HM13: variants seen among roughly 807,000 people sequenced by gnomAD.
The protein encoded by HM13 is histocompatibility minor 13, also known as signal peptide peptidase.
A neutral mutation model predicts 50.0 loss-of-function variants in HM13; 18 were observed. That is an observed-to-expected ratio of 0.36 (90% CI 0.25 to 0.53). HM13 has a LOEUF of 0.53. HM13 is among the 20% of genes least tolerant of loss of function. The probability of loss-of-function intolerance (pLI) is 0.90; values close to 1 mark genes in which losing one functional copy is unlikely to be tolerated. For synonymous variants in HM13, 197 were observed against 232.6 expected (o/e 0.85, Z 1.39); for missense variants, 393 against 552.4 (o/e 0.71, Z 2.89).
At chr20:31,541,148 G>A (rs1983430756) in intron 3 of HM13, 1 of 152,032 alleles carries the variant, frequency 6.6e-6, no homozygotes, top group Admixed American at 6.6e-5. Context: ...ATGAAATTTA[G>A]AGCAACAAAA....
intron 4 of HM13, among the ~76,000 whole-genome samples, chr20:31,546,294 C>T (rs534898523): frequency 7.2e-5 from 11 of 152,162 alleles, no homozygotes; most frequent in African/African-American, 2.6e-4. Flanking sequence ...GATTCGCCTC[C>T]CAAAGTGCTA....
At chr20:31,559,537 C>T (rs1396470973) in intron 8 of HM13, 74 bp from the exon 9 acceptor site, 8 of 1,465,510 alleles carry the variant, frequency 5.5e-6, no homozygotes, top group Non-Finnish European at 7.7e-6. Flanking sequence ...GGTTGGGGAC[C>T]AGGACCCAGT....
chr20:31,567,749 A>T (rs1474196835), intron 11 of HM13: 4 of 263,858 alleles, frequency 1.5e-5, no homozygotes, highest in African/African-American at 2.2e-5. Flanking sequence ...ATGTGTGTAT[A>T]CTTTTTCTTG....
At chr20:31,566,577 T>G (rs980816404) in intron 11 of HM13, among the ~76,000 whole-genome samples, 19 of 152,096 alleles carry the variant, frequency 1.2e-4, no homozygotes, top group Non-Finnish European at 1.5e-5. Context: ...TGTGGATTTT[T>G]CTCTGCCTAC....
At chr20:31,516,697 G>C (rs987734811) in intron 1 of HM13, among the ~76,000 whole-genome samples, 21 of 152,150 alleles carry the variant, frequency 1.4e-4, no homozygotes, top group African/African-American at 2.9e-4. Flanking sequence ...GGAACAGAGG[G>C]TATGGATAGG....
chr20:31,568,619 T>C (rs889473728), intron 12 of HM13, among the ~76,000 whole-genome samples: 11 of 152,242 alleles, frequency 7.2e-5, no homozygotes, highest in African/African-American at 2.7e-4. Context: ...ATGAACTCAG[T>C]TGCTTGAAAA....
intron 8 of HM13, among the ~76,000 whole-genome samples, chr20:31,555,604 G>A (rs574933018): frequency 6.6e-6 from 1 of 152,262 alleles, no homozygotes; most frequent in Admixed American, 6.5e-5. Flanking sequence ...GGGCCCAGTT[G>A]TGGGGGCAGT....
intron 3 of HM13, 84 bp from the exon 4 acceptor site, chr20:31,544,863 C>A: frequency 9.6e-7 from 1 of 1,037,536 alleles, no homozygotes; most frequent in Non-Finnish European, 1.5e-6. Context: ...TGTAAGGGTG[C>A]CAGCTGTAAA....
chr20:31,552,119 AG>A (rs1272507857), intron 7 of HM13, among the ~76,000 whole-genome samples: 2 of 152,110 alleles, frequency 1.3e-5, no homozygotes, highest in Non-Finnish European at 2.9e-5. Flanking sequence ...TGGGCCAGCC[AG>A]AGCAACAGCT....
intron 4 of HM13, among the ~76,000 whole-genome samples, 179 bp downstream of exon 4, chr20:31,545,214 G>A (rs1271843675): frequency 6.6e-6 from 1 of 152,144 alleles, no homozygotes; most frequent in Non-Finnish European, 1.5e-5. Context: ...CTGGGTGAAC[G>A]CCTTACCTCT....
At chr20:31,552,263 A>G (rs1568794765) in intron 7 of HM13, among the ~76,000 whole-genome samples, 1 of 152,110 alleles carries the variant, frequency 6.6e-6, no homozygotes, top group African/African-American at 2.4e-5. Context: ...CAATATGGGC[A>G]TTTGAAAGAT....
In HM13 at chr20:31,538,175, T is replaced by C. The variant is rs1287000525; in HGVS notation, c.283-4T>C. 22 of 1,613,838 alleles carry C rather than the reference T, an allele frequency of 1.4e-5. No homozygotes were observed. Among genetic ancestry groups the C allele is most frequent in the Non-Finnish European group, 1.9e-5 (22 of 1,179,836 alleles). ...TCCTGTTTCTCTTTGTATTTCTGCC[T>C]CAGATATTCTCCCAGGAGTACATCA... On this transcript the variant is annotated splice_region_variant and splice_polypyrimidine_tract_variant and intron_variant, in intron 2 of 12. Transcript: ENST00000398174.
At chr20:31,549,952 C>T in intron 6 of HM13, 112 bp from the exon 7 acceptor site, 1 of 813,856 alleles carries the variant, frequency 1.2e-6, no homozygotes, top group South Asian at 1.4e-5. Context: ...TGGAGCCCCT[C>T]CCAGCTCCCC....
chr20:31,538,483 G>A, intron 3 of HM13: 2 of 1,409,098 alleles, frequency 1.4e-6, no homozygotes, highest in Non-Finnish European at 1.9e-6. Flanking sequence ...TCTGGTGGGT[G>A]TTTCCACCAC....
chr20:31,556,036 CTT>C (rs561024148), intron 8 of HM13, among the ~76,000 whole-genome samples: 18 of 137,928 alleles, frequency 1.3e-4, no homozygotes, highest in Admixed American at 2.2e-4. Context: ...ATTATTTCTC[CTT>C]TTTTTTTTTT....
Position 31,550,167 on chromosome 20 carries a change from C to T in HM13, c.724+46C>T, listed in dbSNP as rs570535966. Reference sequence around the variant, plus strand: ...AGGGAACCCCTTCCCCCACCCCTGCCGGGCCATGCCCCCACAGCCCGTTTC... The same window carrying T: ...AGGGAACCCCTTCCCCCACCCCTGCTGGGCCATGCCCCCACAGCCCGTTTC... On this transcript the variant is annotated intron_variant, in intron 7 of 12. Coordinates refer to ENST00000398174, the MANE Select transcript of HM13 (RefSeq NM_178581.3). 7.3e-5 allele frequency: 105 copies of T among 1,443,118 alleles called. No homozygotes were observed. The South Asian group carries it at 1.1e-3, about 15-fold the overall frequency. The allele number at this position is 1,443,118 out of a possible 1,614,324, so 89.4% of individuals were successfully genotyped here.
intron 8 of HM13, among the ~76,000 whole-genome samples, chr20:31,555,675 AAAG>A (rs1461461137): frequency 2.6e-5 from 4 of 152,128 alleles, no homozygotes; most frequent in South Asian, 2.1e-4. Flanking sequence ...AGCTTGCTTA[AAAG>A]AAGGTTTTAG....
chr20:31,559,177 A>C (rs949387830), intron 8 of HM13, among the ~76,000 whole-genome samples: 1 of 152,156 alleles, frequency 6.6e-6, no homozygotes. Flanking sequence ...CTGCCTTCCA[A>C]AGTGGAAGCA....
At chr20:31,560,513 A>G (rs1379048147) in intron 9 of HM13, among the ~76,000 whole-genome samples, 2 of 152,124 alleles carry the variant, frequency 1.3e-5, no homozygotes, top group African/African-American at 2.4e-5. Context: ...GCCACTTCAA[A>G]CCTTAGGAGC....
Sources: allele counts gnomAD v4.1 joint callset (sites outside exome capture counted in the v4.1 genomes callset), GRCh38; gene constraint gnomAD v4.1.1; transcripts MANE v1.5; gene names NCBI Gene and HGNC (gene_info 2026-07-23, HGNC 2026-07-21).